Variants in PTCHD4 observed in about 807,000 individuals in gnomAD.
PTCHD4 encodes the protein patched domain containing 4.
Under a neutral mutation model 58.1 loss-of-function variants are expected in PTCHD4, and 33 were observed. The ratio of observed to expected loss-of-function variants is 0.57; its 90% CI spans 0.43 to 0.76. The LOEUF (loss-of-function observed/expected upper bound fraction) is 0.76. Ranked by LOEUF, PTCHD4 falls within the 30% of genes least tolerant of loss-of-function variation. PTCHD4 has a pLI of 0.00. For missense variants in PTCHD4, 1,058 were observed against 1,027.1 expected, an observed-to-expected ratio of 1.03 and a Z score of -0.41; for synonymous variants, 478 against 409.6, an observed-to-expected ratio of 1.17 and a Z score of -2.02.
At chr6:48,075,990 C>G (rs1434813256) in intron 1 of PTCHD4, among the ~76,000 whole-genome samples, 1 of 152,164 alleles carries the variant, frequency 6.6e-6, no homozygotes, top group Non-Finnish European at 1.5e-5. Flanking sequence ...GTTGTTTGAT[C>G]GCATTTCACC....
chr6:47,939,877 A>G (rs1340209134), intron 4 of PTCHD4, among the ~76,000 whole-genome samples: 2 of 152,016 alleles, frequency 1.3e-5, no homozygotes, highest in South Asian at 4.1e-4. Flanking sequence ...GAAGCCCCCT[A>G]TGTTGCCCTG....
chr6:47,897,359 T>C (rs1007410801), intron 4 of PTCHD4, among the ~76,000 whole-genome samples: 2 of 152,212 alleles, frequency 1.3e-5, no homozygotes, highest in Admixed American at 6.5e-5. Flanking sequence ...AACAGACAAG[T>C]AAGAAGCGCC....
rs1228599552 is a variant in PTCHD4, at chr6:47,861,852, G to T, written c.*16451C>A. 6.6e-6 allele frequency among the ~76,000 whole-genome samples: 1 copy of T among 151,812 alleles called. No individual in the cohort carries two copies. Among genetic ancestry groups the T allele is most frequent in the Non-Finnish European group, 1.5e-5 (1 of 67,870 alleles). On this transcript the variant is annotated 3_prime_UTR_variant, in exon 5 of 5. Coordinates refer to ENST00000339488, the MANE Select transcript of PTCHD4 (RefSeq NM_001384253.1). ...TTGTACATCACTTGGCACATTATAGGTTCTTAATCCATGTTTGTTGGATGG... is the reference window on the plus strand; with the variant it reads ...TTGTACATCACTTGGCACATTATAGTTTCTTAATCCATGTTTGTTGGATGG...
chr6:47,934,704 A>G lies in PTCHD4; in HGVS notation c.899-54768T>C, dbSNP rs543716540. On this transcript the variant is annotated intron_variant, in intron 4 of 4. Transcript: ENST00000339488. ...TCTGAAATGAAGTAGCAGCTCTTCA[A>G]TAAATCACTCCCCAAAATACCTTCA... is the stretch of plus-strand genomic sequence containing the variant. Among the ~76,000 whole-genome samples the G allele has an allele frequency of 7.9e-5, 12 of 152,306 alleles. 1 individual carries two copies. The South Asian group carries it at 2.3e-3, about 29-fold the overall frequency.
chr6:48,109,038 C>A (rs1450047779), intron 1 of PTCHD4, among the ~76,000 whole-genome samples: 9 of 151,872 alleles, frequency 5.9e-5, no homozygotes, highest in African/African-American at 2.2e-4. Context: ...TAATCATTTT[C>A]TAGGACAACA....
chr6:48,017,179 G>A (rs1762896406), intron 3 of PTCHD4, among the ~76,000 whole-genome samples: 1 of 151,940 alleles, frequency 6.6e-6, no homozygotes. Flanking sequence ...CCAGGGTCAA[G>A]TATATACATA....
intron 3 of PTCHD4, among the ~76,000 whole-genome samples, chr6:48,014,567 T>C (rs1003469615): frequency 2.6e-5 from 4 of 152,158 alleles, no homozygotes; most frequent in Non-Finnish European, 5.9e-5. Context: ...GGTTTTCTTA[T>C]CTATAAAATG....
At chr6:47,987,281 T>A (rs2114024556) in intron 4 of PTCHD4, among the ~76,000 whole-genome samples, 1 of 145,398 alleles carries the variant, frequency 6.9e-6, no homozygotes, top group Non-Finnish European at 1.5e-5. Context: ...GGGGGAGGGA[T>A]AACATTAGGA....
Position 48,068,674 on chromosome 6 carries a change from G to T in PTCHD4, c.6-33C>A, listed in dbSNP as rs1486466927. On this transcript the variant is annotated intron_variant, in intron 2 of 4. Coordinates refer to ENST00000339488, the MANE Select transcript of PTCHD4 (RefSeq NM_001384253.1). This position sits in a 1 kb window ranked among gnomAD's most constrained non-coding sequence, Gnocchi z 4.2. Reference sequence around the variant, plus strand: ...AGCACATGTGACATGTGTAAGCGCCGGGCTACCCCGTTCTCCCCCATCCCA... The same window carrying T: ...AGCACATGTGACATGTGTAAGCGCCTGGCTACCCCGTTCTCCCCCATCCCA... 1.3e-6 allele frequency: 2 copies of T among 1,511,898 alleles called. No homozygotes were observed. The highest frequency in any genetic ancestry group is 1.8e-6 in the Non-Finnish European group (2 of 1,133,952). 93.7% of individuals were successfully genotyped at this position (1,511,898 alleles called of 1,614,324 possible). A position where few individuals can be genotyped will look rare whatever the true frequency, so the allele number is the denominator to read the frequency against.
chr6:47,950,063 A>G (rs1766582544), intron 4 of PTCHD4, among the ~76,000 whole-genome samples: 1 of 116,160 alleles, frequency 8.6e-6, no homozygotes, highest in African/African-American at 3.3e-5. Context: ...CCGGAGTGTG[A>G]CGTTCCCCTT....
chr6:47,918,059 C>T (rs1019251625), intron 4 of PTCHD4, among the ~76,000 whole-genome samples: 1 of 151,994 alleles, frequency 6.6e-6, no homozygotes, highest in Admixed American at 6.6e-5. Context: ...TACGTGTTTT[C>T]TATCTTAGAC....
chr6:48,021,568 G>A (rs917301085), intron 3 of PTCHD4, among the ~76,000 whole-genome samples: 1 of 151,912 alleles, frequency 6.6e-6, no homozygotes, highest in African/African-American at 2.4e-5. Flanking sequence ...TATTTTTTGA[G>A]TATTTGCTAT....
At chr6:47,891,790 T>C (rs1764389488) in intron 4 of PTCHD4, among the ~76,000 whole-genome samples, 1 of 152,216 alleles carries the variant, frequency 6.6e-6, no homozygotes, top group South Asian at 2.1e-4. Flanking sequence ...TCAATAAACC[T>C]AAATGTGTTC....
At chr6:47,987,758 T>A (rs1166911153) in intron 4 of PTCHD4, among the ~76,000 whole-genome samples, 1 of 152,012 alleles carries the variant, frequency 6.6e-6, no homozygotes, top group Non-Finnish European at 1.5e-5. Flanking sequence ...AATCCCCATG[T>A]CTTACTCTCA....
rs370465085 is a variant in PTCHD4 at position 48,069,519 on chromosome 6, C to A, written c.-562G>T. On this transcript the variant is annotated 5_prime_UTR_variant, in exon 2 of 5. Coordinates refer to ENST00000339488, the MANE Select transcript of PTCHD4 (RefSeq NM_001384253.1). ...GCATGCAAGGGATTTCCTCGCAACA[C>A]CTTCCTCGCTGTGATTCCACAGACC... Among the ~76,000 whole-genome samples, 194 of 152,280 alleles carry A rather than the reference C, an allele frequency of 1.3e-3. 4 individuals are homozygous for A. The South Asian group carries it at 0.039, about 30-fold the overall frequency.
chr6:47,893,972 G>C (rs1466130152), intron 4 of PTCHD4, among the ~76,000 whole-genome samples: 1 of 152,166 alleles, frequency 6.6e-6, no homozygotes, highest in African/African-American at 2.4e-5. Flanking sequence ...GTTTTCATTT[G>C]GTAGGGTGAA....
chr6:47,877,644 G>A lies in PTCHD4; in HGVS notation c.*659C>T, dbSNP rs1157380549. On this transcript the variant is annotated 3_prime_UTR_variant, in exon 5 of 5. Transcript: ENST00000339488. The stretch of plus-strand genomic sequence containing the variant: ...GAGACACTTGGGTTGATTTAGAACG[G>A]CTATTAATGAATCTATAAATTTGGC... Among the ~76,000 whole-genome samples, 1 of 151,990 alleles carries A rather than the reference G, an allele frequency of 6.6e-6. No homozygotes were observed. The highest frequency in any genetic ancestry group is 1.5e-5 in the Non-Finnish European group (1 of 67,972).
chr6:48,011,934 A>G (rs988617650), intron 3 of PTCHD4, among the ~76,000 whole-genome samples: 3 of 151,972 alleles, frequency 2.0e-5, no homozygotes, highest in African/African-American at 7.3e-5. Flanking sequence ...TGGTCTATAT[A>G]TCTGTTTTGG....
chr6:47,986,338 G>A (rs1768061491), intron 4 of PTCHD4, among the ~76,000 whole-genome samples: 1 of 152,090 alleles, frequency 6.6e-6, no homozygotes, highest in Non-Finnish European at 1.5e-5. Context: ...TCATCACTGG[G>A]ACATTATAAA....
Sources: gnomAD v4.1 joint callset for allele counts (sites outside exome capture counted in the v4.1 genomes callset) on GRCh38, gnomAD v4.1.1 for gene constraint, Gnocchi (gnomAD v3.1) non-coding constraint, MANE v1.5 for transcripts, NCBI Gene and HGNC (gene_info 2026-07-23, HGNC 2026-07-21) for gene names.